RTN1: variants seen among roughly 807,000 people sequenced by gnomAD.
RTN1 encodes the protein reticulon-1.
In RTN1, 25 loss-of-function variants were observed where a neutral mutation model predicts 65.5. The ratio of observed to expected loss-of-function variants is 0.38; its 90% CI spans 0.28 to 0.53. RTN1 has a LOEUF of 0.53. RTN1 is among the 20% of genes least tolerant of loss of function. The pLI is 0.79. For missense variants in RTN1, 983 were observed against 1,025.4 expected (o/e 0.96, Z 0.57); for synonymous variants, 471 against 447.6 (o/e 1.05, Z -0.66).
At chr14:59,823,718 T>C (rs1166206744) in intron 1 of RTN1, among the ~76,000 whole-genome samples, 1 of 152,198 alleles carries the variant, frequency 6.6e-6, no homozygotes, top group African/African-American at 2.4e-5. Context: ...TTCTTTCACA[T>C]TTACTTTGGA....
chr14:59,630,646 G>A, intron 3 of RTN1: 2 of 1,313,342 alleles, frequency 1.5e-6, no homozygotes, highest in Non-Finnish European at 1.9e-6. Context: ...GGCGGCGCGC[G>A]GTGAGGGGCG....
chr14:59,645,143 T>A (rs1882862938), intron 3 of RTN1, among the ~76,000 whole-genome samples: 1 of 151,724 alleles, frequency 6.6e-6, no homozygotes, highest in Non-Finnish European at 1.5e-5. Flanking sequence ...CTGGGCAGAA[T>A]CTCCTGACCA....
At chr14:59,701,570 A>C (rs774541706) in intron 3 of RTN1, among the ~76,000 whole-genome samples, 1 of 152,220 alleles carries the variant, frequency 6.6e-6, no homozygotes, top group Non-Finnish European at 1.5e-5. Context: ...AAAGAAGCCA[A>C]ACACAAAAGG....
intron 3 of RTN1, among the ~76,000 whole-genome samples, chr14:59,712,643 C>T (rs139292099): frequency 1.3e-5 from 2 of 152,238 alleles, no homozygotes; most frequent in East Asian, 1.9e-4. Context: ...GTAATTAGGC[C>T]GGGCGTGGTG....
Position 59,870,338 on chromosome 14 carries a change from T to TG in RTN1, c.241+51dup. 4 of 1,423,356 alleles carry TG rather than the reference T, an allele frequency of 2.8e-6. No homozygotes were observed. Among genetic ancestry groups the TG allele is most frequent in the South Asian group, 3.2e-5 (2 of 63,158 alleles). 88.2% of individuals were successfully genotyped at this position (1,423,356 alleles called of 1,614,324 possible). ...GAGAGCCGCGCAGAAGGGGACTGAC[T>TG]GGGGGGCCCTGGTCCCCGACGCCAT... is the stretch of plus-strand genomic sequence containing the variant. On this transcript the variant is annotated intron_variant, in intron 1 of 8. Coordinates refer to ENST00000267484, the MANE Select transcript of RTN1 (RefSeq NM_021136.3). The surrounding 1 kb of genome is among the most constrained non-coding windows in gnomAD (Gnocchi z 5.1).
intron 1 of RTN1, among the ~76,000 whole-genome samples, chr14:59,753,561 A>T (rs980413399): frequency 6.6e-6 from 1 of 152,228 alleles, no homozygotes; most frequent in African/African-American, 2.4e-5. Context: ...TGAATTTAAA[A>T]ATATACATGC....
intron 2 of RTN1, among the ~76,000 whole-genome samples, chr14:59,734,857 C>T (rs967576569): frequency 6.6e-6 from 1 of 152,010 alleles, no homozygotes; most frequent in African/African-American, 2.4e-5. Context: ...GTAAGACAGG[C>T]CAACACTCAA....
At chr14:59,864,617 G>C (rs1887766899) in intron 1 of RTN1, among the ~76,000 whole-genome samples, 1 of 151,366 alleles carries the variant, frequency 6.6e-6, no homozygotes, top group Non-Finnish European at 1.5e-5. Context: ...ATAATCCTCA[G>C]TGCTTAGACA....
At chr14:59,605,281 T>C (rs1388843582) in intron 5 of RTN1, 87 bp downstream of exon 5, 1 of 1,416,400 alleles carries the variant, frequency 7.1e-7, no homozygotes, top group East Asian at 2.3e-5. Flanking sequence ...TTGCTTTTTA[T>C]TCTTCTTGAT....
chr14:59,666,165 T>C (rs1383009407), intron 3 of RTN1, among the ~76,000 whole-genome samples: 1 of 152,182 alleles, frequency 6.6e-6, no homozygotes, highest in Non-Finnish European at 1.5e-5. Flanking sequence ...ATCACACTTA[T>C]TCTAAAATTG....
At position 59,831,892 on chromosome 14, in the gene RTN1, G is replaced by A. The variant is rs375563617; in HGVS notation, c.241+38498C>T. 3.3e-5 allele frequency among the ~76,000 whole-genome samples: 5 copies of A among 152,150 alleles called. No homozygotes were observed. In the East Asian group the frequency reaches 9.7e-4, roughly 29 times the overall value. On this transcript the variant is annotated intron_variant, in intron 1 of 8. Coordinates refer to ENST00000267484, the MANE Select transcript of RTN1 (RefSeq NM_021136.3). ...ACGACCCTCCTAGTCAAGGCAGCTT[G>A]AGGCAACATGTCTCTAGCATCACAC... is the stretch of plus-strand genomic sequence containing the variant.
Position 59,645,527 on chromosome 14 carries a change from A to T in RTN1, c.1766-38035T>A, listed in dbSNP as rs77922962. 5.3e-3 allele frequency among the ~76,000 whole-genome samples: 798 copies of T among 151,938 alleles called. 8 individuals carry two copies. The highest frequency in any genetic ancestry group is 0.017 in the African/African-American group (684 of 41,422). ...CAGCCTGGGTCTCCAGCCTTTCCCC[A>T]CTGGAGCTATTGAGCCAGTAGCAGT... On this transcript the variant is annotated intron_variant, in intron 3 of 8. Transcript: ENST00000267484.
intron 8 of RTN1, among the ~76,000 whole-genome samples, chr14:59,601,773 A>G (rs898870983): frequency 4.6e-5 from 7 of 152,206 alleles, no homozygotes; most frequent in Non-Finnish European, 1.0e-4. Context: ...CCAGGTTACC[A>G]ATCCTAGACA....
At chr14:59,678,922 T>C (rs1054662731) in intron 3 of RTN1, among the ~76,000 whole-genome samples, 3 of 152,244 alleles carry the variant, frequency 2.0e-5, no homozygotes, top group African/African-American at 4.8e-5. Flanking sequence ...GTAATTCTTA[T>C]GCACATATAA....
chr14:59,648,494 C>T (rs1309106155), intron 3 of RTN1, among the ~76,000 whole-genome samples: 2 of 151,866 alleles, frequency 1.3e-5, no homozygotes, highest in East Asian at 1.9e-4. Context: ...ACAAAGAAAA[C>T]TTCAGCCCCA....
Position 59,727,253 on chromosome 14 carries a change from C to A in RTN1, c.1431G>T (p.Ser477=). 6.5e-7 allele frequency: 1 copy of A among 1,527,750 alleles called. No homozygotes were observed. Among genetic ancestry groups the A allele is most frequent in the East Asian group, 2.4e-5 (1 of 41,760 alleles). The allele number at this position is 1,527,750 out of a possible 1,614,324, so 94.6% of individuals were successfully genotyped here. ...IIESCDASSA[S]EESPKREQDS... ...CCTGCTCCCGCTTGGGGCTCTCCTC[C>A]GAGGCCGAGGAGGCGTCGCACGACT... The change falls in exon 3 of 9, where the codon TCG becomes TCT. Residue 477 remains serine, a synonymous_variant. Transcript: ENST00000267484. This position sits in a 1 kb window ranked among gnomAD's most constrained non-coding sequence, Gnocchi z 4.2.
At position 59,596,750 on chromosome 14, in the gene RTN1, C is replaced by G. The variant is rs370846575; in HGVS notation, c.2326G>C (p.Glu776Gln). ...GTCCCCGGTGGGAAATCAGTTTACT[C>G]AGCATGCCTCTTAGCGCCTGGGATT... ...AKIPGAKRHA[E>Q] Residue 776 changes from glutamate (E) to glutamine (Q), a missense_variant, in exon 9 of 9, where the codon GAG (glutamate) becomes CAG (glutamine). Transcript: ENST00000267484. 234 of 1,611,044 alleles carry G rather than the reference C, an allele frequency of 1.5e-4. No individual in the cohort carries two copies. Among genetic ancestry groups the G allele is most frequent in the South Asian group, 1.9e-4 (17 of 91,014 alleles).
chr14:59,713,500 GTT>G (rs1176313541), intron 3 of RTN1, among the ~76,000 whole-genome samples: 1 of 152,202 alleles, frequency 6.6e-6, no homozygotes, highest in Non-Finnish European at 1.5e-5. Context: ...TGGCATTCTG[GTT>G]TCGACCAGAC....
chr14:59,744,344 T>G (rs1401731650), intron 2 of RTN1, among the ~76,000 whole-genome samples: 1 of 152,178 alleles, frequency 6.6e-6, no homozygotes, highest in Non-Finnish European at 1.5e-5. Context: ...TTCATCTCGA[T>G]GCCTCATGGA....
Sources: gnomAD v4.1 joint callset for allele counts (sites outside exome capture counted in the v4.1 genomes callset) on GRCh38, gnomAD v4.1.1 for gene constraint, Gnocchi (gnomAD v3.1) non-coding constraint, MANE v1.5 for transcripts, NCBI Gene and HGNC (gene_info 2026-07-23, HGNC 2026-07-21) for gene names.